Variants in MED27 observed in about 807,000 individuals in gnomAD.
MED27 encodes the protein mediator complex subunit 27.
In MED27, 30 loss-of-function variants were observed where a neutral mutation model predicts 38.2. The ratio of observed to expected loss-of-function variants is 0.79; its 90% CI spans 0.59 to 1.07. MED27 has a LOEUF of 1.07. Among genes scored for constraint, MED27 ranks in the 50% least tolerant of loss-of-function variants. MED27 has a pLI of 0.00. For synonymous variants in MED27, 122 were observed against 153.5 expected (o/e 0.79, Z 1.52); for missense variants, 289 against 397.5 (o/e 0.73, Z 2.32).
chr9:131,965,370 G>A lies in MED27; in HGVS notation c.480-25896C>T, dbSNP rs537966103. Among the ~76,000 whole-genome samples the A allele has an allele frequency of 9.9e-5, 15 of 152,276 alleles. No homozygotes were observed. The South Asian group carries it at 2.5e-3, about 25-fold the overall frequency. On this transcript the variant is annotated intron_variant, in intron 3 of 7. Coordinates refer to ENST00000292035, the MANE Select transcript of MED27 (RefSeq NM_004269.4). ...GCAAGCTGGTTAATGGTCATTTTAC[G>A]GTCCACATACTACTCTGAAATCTAT...
rs553230535 is a variant in MED27 at position 131,982,878 on chromosome 9, G to A, written c.479+31459C>T. 7.2e-5 allele frequency among the ~76,000 whole-genome samples: 11 copies of A among 152,336 alleles called. No homozygotes were observed. The East Asian group carries it at 1.7e-3, about 24-fold the overall frequency. On this transcript the variant is annotated intron_variant, in intron 3 of 7. Transcript: ENST00000292035. This position sits in a 1 kb window ranked among gnomAD's most constrained non-coding sequence, Gnocchi z 4.3. ...TCAATAAAACTCTGTTTACAGAAAC[G>A]GGTAGTAGGCTAGTGGGCCTTGGTT... is the stretch of plus-strand genomic sequence containing the variant.
intron 2 of MED27, among the ~76,000 whole-genome samples, chr9:132,071,421 CAT>C (rs1833933044): frequency 6.7e-6 from 1 of 149,854 alleles, no homozygotes; most frequent in African/African-American, 2.5e-5. Context: ...CACACACACA[CAT>C]GAATAACAGG....
chr9:131,895,367 C>G (rs1829813931), intron 4 of MED27, among the ~76,000 whole-genome samples: 1 of 152,150 alleles, frequency 6.6e-6, no homozygotes, highest in Non-Finnish European at 1.5e-5. Context: ...AAGGTAAGAG[C>G]CTTAGCCCCA....
chr9:131,967,479 A>G (rs1012187780), intron 3 of MED27, among the ~76,000 whole-genome samples: 1 of 150,490 alleles, frequency 6.6e-6, no homozygotes, highest in Admixed American at 6.6e-5. Context: ...CTTTCCTCTC[A>G]TGAATCTTTT....
chr9:131,952,197 G>A (rs575554622), intron 3 of MED27, among the ~76,000 whole-genome samples: 1 of 152,348 alleles, frequency 6.6e-6, no homozygotes, highest in Non-Finnish European at 1.5e-5. Flanking sequence ...GAGACTCAGA[G>A]GGCAGGAGAA....
intron 5 of MED27, among the ~76,000 whole-genome samples, chr9:131,888,944 C>T (rs2131495125): frequency 6.6e-6 from 1 of 152,350 alleles, no homozygotes; most frequent in Non-Finnish European, 1.5e-5. Flanking sequence ...GCTGAAAGCA[C>T]AATTTCAGGG....
chr9:132,077,483 G>C lies in MED27; in HGVS notation c.307C>G (p.Leu103Val). The C allele has an allele frequency of 6.2e-7, 1 of 1,614,162 alleles. No individual in the cohort carries two copies. Among genetic ancestry groups the C allele is most frequent in the Non-Finnish European group, 8.5e-7 (1 of 1,180,004 alleles). The change falls in exon 2 of 8, where the codon CTC becomes GTC. Residue 103 changes from leucine (L) to valine (V), a missense_variant. Coordinates refer to ENST00000292035, the MANE Select transcript of MED27 (RefSeq NM_004269.4). ...TATGCTTGAAGGAGTTGACTATAGA[G>C]AGGAGTTTTGTCCTGCACAGGATCC... ...SLDPVQDKTP[L>V]YSQLLQAYKW...
rs1834130782 is a variant in MED27, at chr9:132,079,672, T to C, written c.173A>G (p.Asp58Gly). The change falls in exon 1 of 8, where the codon GAC becomes GGC. Residue 58 changes from aspartate to glycine, a missense_variant. Physicochemically the swap from Asp to Gly is moderately conservative, Grantham distance 94 (BLOSUM62 -1). Transcript: ENST00000292035. ...REKAFIAHFQDNLHSVNRDLN... is the reference protein window; with the variant it reads ...REKAFIAHFQGNLHSVNRDLN... ...GTCCCGGTTGACCGAATGTAAGTTG[T>C]CCTGGAAGTGCGCAATAAAGGCCTT... The C allele has an allele frequency of 6.2e-7, 1 of 1,612,558 alleles. No homozygotes were observed.
chr9:131,949,160 TTA>T (rs1830940944), intron 3 of MED27, among the ~76,000 whole-genome samples: 1 of 152,186 alleles, frequency 6.6e-6, no homozygotes, highest in Non-Finnish European at 1.5e-5. Flanking sequence ...ACAGTATCTA[TTA>T]ATAAATATTT....
At chr9:131,994,958 A>G (rs924694763) in intron 3 of MED27, among the ~76,000 whole-genome samples, 14 of 152,120 alleles carry the variant, frequency 9.2e-5, no homozygotes, top group African/African-American at 3.4e-4. Context: ...GCTGCATTAC[A>G]AACTCACTCG....
At chr9:131,924,517 C>A (rs1221755515) in intron 4 of MED27, among the ~76,000 whole-genome samples, 1 of 152,080 alleles carries the variant, frequency 6.6e-6, no homozygotes, top group Non-Finnish European at 1.5e-5. Flanking sequence ...TTTCTCCCAG[C>A]TTGGCTGTCT....
rs143444713 is a variant in MED27, at chr9:132,046,282, G to T, written c.348+31160C>A. Among the ~76,000 whole-genome samples, 222 of 152,214 alleles carry T rather than the reference G, an allele frequency of 1.5e-3. 1 individual carries two copies. Among genetic ancestry groups the T allele is most frequent in the African/African-American group, 5.2e-3 (216 of 41,542 alleles). On this transcript the variant is annotated intron_variant, in intron 2 of 7. Coordinates refer to ENST00000292035, the MANE Select transcript of MED27 (RefSeq NM_004269.4). ...TATCAACTAAGTAAAGATGAAAGTA[G>T]TTTTATTTTGTTATTTTGTGTTGAT...
At chr9:131,990,396 C>A (rs1423718519) in intron 3 of MED27, among the ~76,000 whole-genome samples, 1 of 152,210 alleles carries the variant, frequency 6.6e-6, no homozygotes, top group Non-Finnish European at 1.5e-5. Context: ...AGGTCCTTGT[C>A]CTGGGGTCCT....
intron 2 of MED27, among the ~76,000 whole-genome samples, chr9:132,026,791 T>C (rs184984330): frequency 3.9e-5 from 6 of 152,256 alleles, no homozygotes; most frequent in South Asian, 2.1e-4. Context: ...AAAAAAATAA[T>C]AACATTAGCT....
chr9:131,988,886 GC>G (rs55765426), intron 3 of MED27, among the ~76,000 whole-genome samples: 128,888 of 152,154 alleles, frequency 0.85, 54,695 homozygotes, highest in East Asian at 0.91. Flanking sequence ...TTTTGGCTGC[GC>G]CGAGGGTGAA....
intron 6 of MED27, chr9:131,869,452 C>G (rs1231149136): frequency 1.0e-6 from 1 of 966,706 alleles, no homozygotes; most frequent in Non-Finnish European, 1.2e-6. Context: ...AGCCGAGGTT[C>G]GGTCCCATTG....
chr9:131,895,057 G>T (rs747931453), intron 4 of MED27, among the ~76,000 whole-genome samples: 8 of 152,258 alleles, frequency 5.3e-5, no homozygotes, highest in African/African-American at 1.9e-4. Flanking sequence ...CTCGCCAGAC[G>T]GTGAAGCAGA....
intron 3 of MED27, among the ~76,000 whole-genome samples, chr9:131,949,438 A>G (rs1383438886): frequency 6.6e-6 from 1 of 152,172 alleles, no homozygotes; most frequent in Non-Finnish European, 1.5e-5. Flanking sequence ...TGTTTTACAA[A>G]TGACAGAAAA....
chr9:132,008,505 T>C (rs1832411520), intron 3 of MED27, among the ~76,000 whole-genome samples: 1 of 152,242 alleles, frequency 6.6e-6, no homozygotes, highest in Non-Finnish European at 1.5e-5. Context: ...ATAAAATATC[T>C]TTCATCATGA....
Sources: allele counts gnomAD v4.1 joint callset (sites outside exome capture counted in the v4.1 genomes callset), GRCh38; gene constraint gnomAD v4.1.1; non-coding constraint Gnocchi (gnomAD v3.1); transcripts MANE v1.5; gene names NCBI Gene and HGNC (gene_info 2026-07-23, HGNC 2026-07-21).